The following TMEM65 variants were observed in gnomAD, a reference collection of about 807,000 sequenced individuals.
TMEM65 encodes the protein transmembrane protein 65.
A neutral mutation model predicts 25.4 loss-of-function variants in TMEM65; 22 were observed. The observed-to-expected ratio is 0.86, with a 90% confidence interval of 0.62 to 1.23. The LOEUF (loss-of-function observed/expected upper bound fraction) is 1.23. Ranked by LOEUF, TMEM65 falls within the 50% of genes most tolerant of loss-of-function variation. TMEM65 has a pLI of 0.00. For synonymous variants in TMEM65, 132 were observed against 126.2 expected, an observed-to-expected ratio of 1.05 and a Z score of -0.31; for missense variants, 262 against 308.2, an observed-to-expected ratio of 0.85 and a Z score of 1.12.
chr8:124,370,716 G>A (rs1815001155), intron 1 of TMEM65, among the ~76,000 whole-genome samples: 1 of 152,206 alleles, frequency 6.6e-6, no homozygotes. Flanking sequence ...ACATGAGGTA[G>A]ATAATTCTTT....
intron 1 of TMEM65, among the ~76,000 whole-genome samples, chr8:124,343,103 TA>T (rs1814600143): frequency 6.6e-6 from 1 of 152,120 alleles, no homozygotes; most frequent in Non-Finnish European, 1.5e-5. Context: ...ACAATGGCAT[TA>T]AACAAAGCTC....
chr8:124,347,421 T>C (rs894472497), intron 1 of TMEM65, among the ~76,000 whole-genome samples: 1 of 152,058 alleles, frequency 6.6e-6, no homozygotes, highest in African/African-American at 2.4e-5. Flanking sequence ...GTAATGGAAA[T>C]TGGAGACTTA....
At chr8:124,349,278 A>C (rs1252926070) in intron 1 of TMEM65, among the ~76,000 whole-genome samples, 1 of 152,200 alleles carries the variant, frequency 6.6e-6, no homozygotes, top group African/African-American at 2.4e-5. Context: ...TAAAATACTA[A>C]TATCCTTTTC....
chr8:124,342,902 C>A (rs1814598272), intron 1 of TMEM65, among the ~76,000 whole-genome samples: 1 of 152,094 alleles, frequency 6.6e-6, no homozygotes. Flanking sequence ...CATTCAATTA[C>A]CACATTTAAC....
chr8:124,331,749 C>G (rs10093809), intron 1 of TMEM65, among the ~76,000 whole-genome samples: 15,125 of 151,826 alleles, frequency 0.1, 810 homozygotes, highest in East Asian at 0.15. Flanking sequence ...GTGGATCACT[C>G]TAAAGATTTA....
At chr8:124,337,529 T>A (rs539292319) in intron 1 of TMEM65, among the ~76,000 whole-genome samples, 1 of 152,198 alleles carries the variant, frequency 6.6e-6, no homozygotes, top group African/African-American at 2.4e-5. Flanking sequence ...GGATTCCATG[T>A]GAAGAAATAC....
rs1224671113 is a variant in TMEM65, at chr8:124,314,150, T to C, written c.622-89A>G. On this transcript the variant is annotated intron_variant, in intron 6 of 6. Transcript: ENST00000297632. Reference sequence around the variant, plus strand: ...AAAATCTCACCAGCTCTTCTCAATATATTTGGATTTGCTACCCTTCATATA... The same window carrying C: ...AAAATCTCACCAGCTCTTCTCAATACATTTGGATTTGCTACCCTTCATATA... 4.0e-6 allele frequency: 4 copies of C among 1,001,986 alleles called. No individual in the cohort carries two copies. In the African/African-American group the frequency reaches 4.9e-5, roughly 12 times the overall value. 62.1% of individuals were successfully genotyped at this position (1,001,986 alleles called of 1,614,324 possible). A position where few individuals can be genotyped will look rare whatever the true frequency, so the allele number is the denominator to read the frequency against.
Position 124,369,645 on chromosome 8 carries a change from C to T in TMEM65, c.304+2209G>A, listed in dbSNP as rs536460197. 1.1e-4 allele frequency among the ~76,000 whole-genome samples: 17 copies of T among 152,244 alleles called. No individual in the cohort carries two copies. The South Asian group carries it at 3.5e-3, about 32-fold the overall frequency. On this transcript the variant is annotated intron_variant, in intron 1 of 6. Transcript: ENST00000297632. ...GAAAACATGGGAGTTTTTCATTTAT[C>T]TGGCTGGAAAAAAATTGTTGATTTC...
chr8:124,308,409 C>T lies in TMEM65; in HGVS notation c.*5551G>A, dbSNP rs1283453919. The stretch of plus-strand genomic sequence containing the variant: ...CTAACAAAGAGAACATCATCAAAGT[C>T]TGGAAGGATTCCACCACTGATGATG... On this transcript the variant is annotated 3_prime_UTR_variant, in exon 7 of 7. Transcript: ENST00000297632. The T allele has an allele frequency of 8.5e-5, 13 of 152,190 alleles. No homozygotes were observed. The highest frequency in any genetic ancestry group is 8.5e-4 in the Admixed American group (13 of 15,272). The allele number at this position is 152,190 out of a possible 1,614,324, so 9.4% of individuals were successfully genotyped here. A position where few individuals can be genotyped will look rare whatever the true frequency, so the allele number is the denominator to read the frequency against.
intron 1 of TMEM65, among the ~76,000 whole-genome samples, chr8:124,363,753 T>C (rs921179059): frequency 5.2e-5 from 7 of 134,036 alleles, no homozygotes; most frequent in African/African-American, 5.7e-5. Context: ...AGGAGAATGG[T>C]GTGAACCCGG....
intron 1 of TMEM65, among the ~76,000 whole-genome samples, chr8:124,350,566 A>C (rs904014900): frequency 6.6e-6 from 1 of 151,978 alleles, no homozygotes; most frequent in Non-Finnish European, 1.5e-5. Context: ...GGATGAATCT[A>C]AAAAACTTTC....
intron 1 of TMEM65, among the ~76,000 whole-genome samples, chr8:124,335,550 A>G (rs1814495585): frequency 6.6e-6 from 1 of 152,178 alleles, no homozygotes; most frequent in African/African-American, 2.4e-5. Flanking sequence ...ATGTAGATGA[A>G]TACATATGAC....
intron 1 of TMEM65, among the ~76,000 whole-genome samples, chr8:124,367,396 C>A (rs1814952867): frequency 6.6e-6 from 1 of 152,118 alleles, no homozygotes; most frequent in South Asian, 2.1e-4. Context: ...ATCGCTTGAA[C>A]CTGGGAGATG....
intron 5 of TMEM65, 50 bp from the exon 6 acceptor site, chr8:124,320,241 C>T: frequency 7.0e-7 from 1 of 1,428,166 alleles, no homozygotes; most frequent in Non-Finnish European, 9.6e-7. Context: ...TCAATAAAGC[C>T]TTTACAAAAG....
chr8:124,308,056 CA>C lies in TMEM65; in HGVS notation c.*5903del, dbSNP rs1650821595. 1 of 152,066 alleles carries C rather than the reference CA, an allele frequency of 6.6e-6. No homozygotes were observed. Among genetic ancestry groups the C allele is most frequent in the African/African-American group, 2.4e-5 (1 of 41,400 alleles). The allele number at this position is 152,066 out of a possible 1,614,324, so 9.4% of individuals were successfully genotyped here. On this transcript the variant is annotated 3_prime_UTR_variant, in exon 7 of 7. Coordinates refer to ENST00000297632, the MANE Select transcript of TMEM65 (RefSeq NM_194291.3). ...AGTCTTGAAGGGAAAAGATAAACACCAGCTGCCAGTCTTCTGGCAGTATAAC... is the reference window on the plus strand; with the variant it reads ...AGTCTTGAAGGGAAAAGATAAACACCGCTGCCAGTCTTCTGGCAGTATAAC...
chr8:124,325,187 A>T (rs1814351963), intron 3 of TMEM65, among the ~76,000 whole-genome samples: 1 of 151,942 alleles, frequency 6.6e-6, no homozygotes, highest in South Asian at 2.1e-4. Context: ...AAAACATCAA[A>T]TGTCTATGGT....
intron 4 of TMEM65, among the ~76,000 whole-genome samples, chr8:124,322,485 A>T (rs1246720291): frequency 1.3e-5 from 2 of 152,148 alleles, no homozygotes; most frequent in Non-Finnish European, 2.9e-5. Flanking sequence ...AAATTCAAGA[A>T]AGTCAAGGAG....
At chr8:124,336,889 T>C (rs924428425) in intron 1 of TMEM65, among the ~76,000 whole-genome samples, 4 of 151,710 alleles carry the variant, frequency 2.6e-5, no homozygotes, top group African/African-American at 4.8e-5. Flanking sequence ...CTAGCTATAC[T>C]GATAGACAAA....
At chr8:124,363,006 T>C (rs1814891739) in intron 1 of TMEM65, among the ~76,000 whole-genome samples, 1 of 152,190 alleles carries the variant, frequency 6.6e-6, no homozygotes, top group African/African-American at 2.4e-5. Context: ...AACCTTTTAA[T>C]TACCACTTTG....
Sources: allele counts gnomAD v4.1 joint callset (sites outside exome capture counted in the v4.1 genomes callset), GRCh38; gene constraint gnomAD v4.1.1; transcripts MANE v1.5; gene names NCBI Gene and HGNC (gene_info 2026-07-23, HGNC 2026-07-21).